Variants in FGGY observed in about 807,000 individuals in gnomAD.
FGGY encodes FGGY carbohydrate kinase domain containing, also known as FGGY carbohydrate kinase domain-containing protein.
Under a neutral mutation model 71.3 loss-of-function variants are expected in FGGY, and 72 were observed. The observed-to-expected ratio is 1.01, with a 90% confidence interval of 0.84 to 1.23. The LOEUF (loss-of-function observed/expected upper bound fraction) is 1.23, where lower values mean the gene tolerates loss of function less well. FGGY is among the 50% of genes most tolerant of loss of function. The probability of loss-of-function intolerance (pLI) is 0.00; values close to 1 mark genes in which losing one functional copy is unlikely to be tolerated. For missense variants in FGGY, 668 were observed against 682.3 expected (o/e 0.98, Z 0.23); for synonymous variants, 251 against 250.3 (o/e 1.00, Z -0.02).
At chr1:59,736,400 G>C (rs977393474) in intron 14 of FGGY, among the ~76,000 whole-genome samples, 1 of 152,130 alleles carries the variant, frequency 6.6e-6, no homozygotes, top group Non-Finnish European at 1.5e-5. Context: ...TCAGAAGATA[G>C]GAAAATGTGG....
Position 59,540,902 on chromosome 1 carries a change from G to T in FGGY, c.800-13222G>T, listed in dbSNP as rs537518597. On this transcript the variant is annotated intron_variant, in intron 7 of 15. Coordinates refer to ENST00000303721, the MANE Select transcript of FGGY (RefSeq NM_018291.5). ...TCCCAACTCAACACACTTCCTGCCT[G>T]TATTAGGTGCTTCATAAATGTTAAA... is the stretch of plus-strand genomic sequence containing the variant. Among the ~76,000 whole-genome samples, 3 of 152,190 alleles carry T rather than the reference G, an allele frequency of 2.0e-5. No individual in the cohort carries two copies. In the East Asian group the frequency reaches 5.8e-4, roughly 29 times the overall value.
At chr1:59,425,953 T>A (rs1440225909) in intron 5 of FGGY, among the ~76,000 whole-genome samples, 1 of 151,836 alleles carries the variant, frequency 6.6e-6, no homozygotes, top group Non-Finnish European at 1.5e-5. Context: ...CAATTCATAT[T>A]TTTTTTTAAT....
At chr1:59,382,105 A>G (rs1375694560) in intron 5 of FGGY, among the ~76,000 whole-genome samples, 1 of 152,196 alleles carries the variant, frequency 6.6e-6, no homozygotes, top group Non-Finnish European at 1.5e-5. Flanking sequence ...ATCATTTCCC[A>G]GAGGATAGAT....
At chr1:59,634,643 A>G (rs567725847) in intron 10 of FGGY, among the ~76,000 whole-genome samples, 6 of 152,278 alleles carry the variant, frequency 3.9e-5, no homozygotes, top group Admixed American at 3.3e-4. Context: ...GTCTGCATTT[A>G]AGATCACAAG....
Position 59,647,879 on chromosome 1 carries a change from C to T in FGGY, c.1221+9504C>T, listed in dbSNP as rs1431234104. Among the ~76,000 whole-genome samples the T allele has an allele frequency of 6.7e-4, 79 of 118,104 alleles. 2 individuals carry two copies. Among genetic ancestry groups the T allele is most frequent in the East Asian group, 3.1e-3 (12 of 3,898 alleles). The allele number at this position is 118,104 out of a possible 152,430, so 77.5% of individuals were successfully genotyped here. A position where few individuals can be genotyped will look rare whatever the true frequency, so the allele number is the denominator to read the frequency against. On this transcript the variant is annotated intron_variant, in intron 11 of 15. Coordinates refer to ENST00000303721, the MANE Select transcript of FGGY (RefSeq NM_018291.5). Reference sequence around the variant, plus strand: ...CGTCATCTAGCATTAGGTATATCTCCCAATGCTATCCCTCCCCCCTCCCCC... The same window carrying T: ...CGTCATCTAGCATTAGGTATATCTCTCAATGCTATCCCTCCCCCCTCCCCC...
intron 6 of FGGY, among the ~76,000 whole-genome samples, chr1:59,457,755 A>C (rs1347571938): frequency 1.3e-5 from 2 of 152,216 alleles, no homozygotes; most frequent in African/African-American, 4.8e-5. Context: ...TTCACAGGAC[A>C]AGGCAAGGCT....
chr1:59,304,290 T>C (rs1416641262), intron 1 of FGGY, among the ~76,000 whole-genome samples: 1 of 152,186 alleles, frequency 6.6e-6, no homozygotes, highest in Admixed American at 6.5e-5. Context: ...CTTTCGCATG[T>C]GACTATCCAG....
chr1:59,307,810 C>CA (rs1208854850), intron 1 of FGGY, among the ~76,000 whole-genome samples: 1 of 152,006 alleles, frequency 6.6e-6, no homozygotes, highest in East Asian at 1.9e-4. Flanking sequence ...CCCTCAAAGA[C>CA]AGTTTGTGAA....
intron 9 of FGGY, among the ~76,000 whole-genome samples, chr1:59,615,015 G>A (rs1228167709): frequency 1.3e-5 from 2 of 152,128 alleles, no homozygotes; most frequent in African/African-American, 4.8e-5. Flanking sequence ...CAAACAAATG[G>A]AAGAACATTC....
chr1:59,585,098 G>A (rs1291523588), intron 8 of FGGY, among the ~76,000 whole-genome samples: 2 of 152,074 alleles, frequency 1.3e-5, no homozygotes, highest in African/African-American at 4.8e-5. Context: ...TACTGCCCAA[G>A]GTAATTTATA....
At chr1:59,535,700 A>C (rs931678543) in intron 7 of FGGY, among the ~76,000 whole-genome samples, 2 of 150,140 alleles carry the variant, frequency 1.3e-5, no homozygotes, top group African/African-American at 4.9e-5. Flanking sequence ...GCTCAACTAC[A>C]TGGAAACTGA....
intron 14 of FGGY, among the ~76,000 whole-genome samples, chr1:59,718,591 G>A (rs1458899081): frequency 6.6e-6 from 1 of 152,208 alleles, no homozygotes; most frequent in East Asian, 1.9e-4. Flanking sequence ...GCACACCCAT[G>A]CATTAGCGAC....
intron 6 of FGGY, among the ~76,000 whole-genome samples, chr1:59,499,299 G>GTTTTTTTTTTTTTTTTTTTTTTTTTTTT (rs58170089): frequency 4.7e-5 from 5 of 105,802 alleles, no homozygotes; most frequent in African/African-American, 7.9e-5. Context: ...TACTATGTTT[G>GTTTTTTTTTTTTTTTTTTTTTTTTTTTT]TTTTTTTTTT....
intron 9 of FGGY, among the ~76,000 whole-genome samples, chr1:59,610,028 C>G (rs954195335): frequency 6.6e-6 from 1 of 152,226 alleles, no homozygotes; most frequent in Non-Finnish European, 1.5e-5. Context: ...ATGCAGCCCA[C>G]TTTATATTCT....
chr1:59,668,995 A>G lies in FGGY; in HGVS notation c.1417+1592A>G, dbSNP rs1235297117. Among the ~76,000 whole-genome samples, 9 of 148,160 alleles carry G rather than the reference A, an allele frequency of 6.1e-5. No individual in the cohort carries two copies. The East Asian group carries it at 9.7e-4, about 16-fold the overall frequency. ...AACAAGAGCAAAACTCCATCTCAAA[A>G]AAAAAAAAAAAAAAAAAGCATACAG... On this transcript the variant is annotated intron_variant, in intron 13 of 15. Coordinates refer to ENST00000303721, the MANE Select transcript of FGGY (RefSeq NM_018291.5).
At chr1:59,552,255 C>CA (rs1325388669) in intron 7 of FGGY, among the ~76,000 whole-genome samples, 1 of 152,192 alleles carries the variant, frequency 6.6e-6, no homozygotes, top group Non-Finnish European at 1.5e-5. Flanking sequence ...CCCTTGCCTG[C>CA]AGGGGTAGCC....
intron 11 of FGGY, among the ~76,000 whole-genome samples, chr1:59,653,361 G>T (rs1056083294): frequency 6.6e-6 from 1 of 152,136 alleles, no homozygotes; most frequent in Non-Finnish European, 1.5e-5. Context: ...CCTTGCTGCC[G>T]CCTTGCAGTT....
chr1:59,489,142 A>G (rs1208697090), intron 6 of FGGY, among the ~76,000 whole-genome samples: 2 of 152,130 alleles, frequency 1.3e-5, no homozygotes, highest in African/African-American at 4.8e-5. Context: ...GTACATAGTG[A>G]TGTCACAGTA....
At chr1:59,673,926 G>T in intron 13 of FGGY, 113 bp from the exon 14 acceptor site, 1 of 774,032 alleles carries the variant, frequency 1.3e-6, no homozygotes, top group Non-Finnish European at 2.2e-6. Flanking sequence ...GAGTCGGGCG[G>T]GGGGCCTGCT....
Sources: allele counts gnomAD v4.1 joint callset (sites outside exome capture counted in the v4.1 genomes callset), GRCh38; gene constraint gnomAD v4.1.1; transcripts MANE v1.5; gene names NCBI Gene and HGNC (gene_info 2026-07-23, HGNC 2026-07-21).